The following STT3B variants were observed in gnomAD, a reference collection of about 807,000 sequenced individuals.
STT3B encodes the protein STT3 oligosaccharyltransferase complex catalytic subunit B.
STT3B carries 29 observed loss-of-function variants against 96.8 expected under a neutral mutation model. That is an observed-to-expected ratio of 0.30 (90% confidence interval 0.22 to 0.41). The LOEUF is 0.41. Ranked by LOEUF, STT3B falls within the 10% of genes least tolerant of loss-of-function variation. The pLI is 1.00. For synonymous variants in STT3B, 367 were observed against 360.0 expected, an observed-to-expected ratio of 1.02 and a Z score of -0.22; for missense variants, 640 against 1,022.3, an observed-to-expected ratio of 0.63 and a Z score of 5.10.
chr3:31,635,231 CTG>C (rs1260105557), intron 15 of STT3B, among the ~76,000 whole-genome samples: 1 of 152,028 alleles, frequency 6.6e-6, no homozygotes, highest in Non-Finnish European at 1.5e-5. Context: ...ATATCTAGGG[CTG>C]TGTGTCAGAT....
intron 4 of STT3B, among the ~76,000 whole-genome samples, chr3:31,597,380 G>A (rs572853791): frequency 2.0e-5 from 3 of 151,594 alleles, no homozygotes; most frequent in Non-Finnish European, 4.4e-5. Context: ...GGCTGGTCTT[G>A]TACACCTGAC....
At chr3:31,560,031 A>C (rs188388163) in intron 1 of STT3B, among the ~76,000 whole-genome samples, 1 of 152,166 alleles carries the variant, frequency 6.6e-6, no homozygotes, top group Non-Finnish European at 1.5e-5. Context: ...ATTTGCATTG[A>C]ATATCTGAAT....
At chr3:31,556,253 TA>T (rs779995348) in intron 1 of STT3B, among the ~76,000 whole-genome samples, 4 of 152,192 alleles carry the variant, frequency 2.6e-5, no homozygotes, top group Non-Finnish European at 4.4e-5. Context: ...TATGGCCAAA[TA>T]ATATTCCATT....
intron 1 of STT3B, among the ~76,000 whole-genome samples, chr3:31,541,528 G>T (rs114094681): frequency 6.9e-6 from 1 of 145,072 alleles, no homozygotes; most frequent in African/African-American, 2.6e-5. Flanking sequence ...GTTGGTCAAA[G>T]GATTGTTGAC....
chr3:31,567,974 C>T (rs939625910), intron 1 of STT3B, among the ~76,000 whole-genome samples: 1 of 151,302 alleles, frequency 6.6e-6, no homozygotes, highest in Non-Finnish European at 1.5e-5. Context: ...TTTTTGTATC[C>T]GTTACCCCTC....
chr3:31,572,081 A>G (rs868546974), intron 1 of STT3B, among the ~76,000 whole-genome samples: 62 of 142,270 alleles, frequency 4.4e-4, no homozygotes, highest in Non-Finnish European at 6.7e-4. Flanking sequence ...ATATATTAAT[A>G]TATAAGTATT....
chr3:31,553,033 C>T (rs1010756163), intron 1 of STT3B, among the ~76,000 whole-genome samples: 2 of 145,648 alleles, frequency 1.4e-5, no homozygotes, highest in South Asian at 2.2e-4. Flanking sequence ...ACCCGGGAGG[C>T]GGAGCTTGCA....
Position 31,625,097 on chromosome 3 carries a change from CTAAA to C in STT3B, c.1899+15_1899+18del. ...GCCACATAGCACTGGTAAGGATTTA[CTAAA>C]TACAAGGTTAAAAAATCTTTATTCA... On this transcript the variant is annotated intron_variant, in intron 12 of 15. Transcript: ENST00000295770. The C allele has an allele frequency of 6.2e-7, 1 of 1,604,992 alleles. No homozygotes were observed. The highest frequency in any genetic ancestry group is 1.1e-5 in the South Asian group (1 of 89,874).
Position 31,579,817 on chromosome 3 carries a change from A to G in STT3B, c.432A>G (p.Pro144=). 6.2e-7 allele frequency: 1 copy of G among 1,609,732 alleles called. No homozygotes were observed. Among genetic ancestry groups the G allele is most frequent in the Non-Finnish European group, 8.5e-7 (1 of 1,177,246 alleles). Residue 144 remains proline, a synonymous_variant, in exon 3 of 16, where the codon CCA becomes CCG. Transcript: ENST00000295770. ...CATTTTTTTCTTCCTAGGTTTACCC[A>G]GGGTTGATGATAACCGCTGGCCTTA... ...LGRIVGGTVY[P]GLMITAGLIH...
intron 1 of STT3B, among the ~76,000 whole-genome samples, chr3:31,557,347 T>G (rs1697744723): frequency 6.6e-6 from 1 of 152,202 alleles, no homozygotes; most frequent in Admixed American, 6.5e-5. Context: ...GCTTTGGCTA[T>G]TCTCACTCTT....
chr3:31,631,461 G>T (rs1479020326), intron 14 of STT3B, among the ~76,000 whole-genome samples: 3 of 152,158 alleles, frequency 2.0e-5, no homozygotes, highest in African/African-American at 7.2e-5. Flanking sequence ...CACGTTGAAG[G>T]ACCTTTTTCT....
chr3:31,574,917 A>AT (rs1698232134), intron 1 of STT3B, among the ~76,000 whole-genome samples: 1 of 152,028 alleles, frequency 6.6e-6, no homozygotes. Flanking sequence ...GACTACTTAA[A>AT]TTTTTTTATA....
At chr3:31,601,104 CTTAA>C (rs1482753995) in intron 5 of STT3B, among the ~76,000 whole-genome samples, 2 of 152,004 alleles carry the variant, frequency 1.3e-5, no homozygotes, top group Non-Finnish European at 2.9e-5. Flanking sequence ...AAAGATAAAT[CTTAA>C]TTAAATTCAT....
rs766776717 is a variant in STT3B, at chr3:31,533,163, G to A, written c.165G>A (p.Pro55=). The stretch of plus-strand genomic sequence containing the variant: ...GCGCGGCGCCGCCGAAGCCGGCCCC[G>A]GCGGGGCTGTCCGGGGGGCTGTCGC... ...AGGAAPPKPA[P]AGLSGGLSQP... Residue 55 remains proline, a synonymous_variant, in exon 1 of 16, where the codon CCG becomes CCA. Coordinates refer to ENST00000295770, the MANE Select transcript of STT3B (RefSeq NM_178862.3). 1.5e-6 allele frequency: 2 copies of A among 1,329,190 alleles called. No individual in the cohort carries two copies. The highest frequency in any genetic ancestry group is 2.2e-5 in the South Asian group (1 of 45,936). The allele number at this position is 1,329,190 out of a possible 1,614,324, so 82.3% of individuals were successfully genotyped here.
chr3:31,616,137 T>C (rs1699302035), intron 6 of STT3B, among the ~76,000 whole-genome samples: 2 of 151,654 alleles, frequency 1.3e-5, no homozygotes, highest in African/African-American at 4.8e-5. Context: ...TGATGAAGAG[T>C]GGACAGTCAT....
chr3:31,610,318 A>G lies in STT3B; in HGVS notation c.878-4787A>G, dbSNP rs1699155050. ...CGTTGTGTGTGTTTTGGCTAATACT[A>G]TTTTGGTTGAGAGAGAGCAAAGCAA... On this transcript the variant is annotated intron_variant, in intron 5 of 15. Coordinates refer to ENST00000295770, the MANE Select transcript of STT3B (RefSeq NM_178862.3). 2.6e-5 allele frequency among the ~76,000 whole-genome samples: 4 copies of G among 152,322 alleles called. No homozygotes were observed. The South Asian group carries it at 8.3e-4, about 32-fold the overall frequency.
intron 5 of STT3B, among the ~76,000 whole-genome samples, chr3:31,603,049 G>A (rs892121104): frequency 6.6e-6 from 1 of 151,932 alleles, no homozygotes; most frequent in Non-Finnish European, 1.5e-5. Flanking sequence ...TTTGATTTTG[G>A]CACGTAACAT....
At chr3:31,596,085 T>A (rs948931306) in intron 3 of STT3B, among the ~76,000 whole-genome samples, 1 of 152,248 alleles carries the variant, frequency 6.6e-6, no homozygotes, top group Non-Finnish European at 1.5e-5. Context: ...AAGTTTTCTG[T>A]GTATTAGTAA....
intron 1 of STT3B, among the ~76,000 whole-genome samples, chr3:31,555,370 C>CT (rs1697679736): frequency 6.6e-6 from 1 of 151,954 alleles, no homozygotes; most frequent in African/African-American, 2.4e-5. Context: ...TTAGGATAAG[C>CT]TTTATATTTA....
Sources: allele counts gnomAD v4.1 joint callset (sites outside exome capture counted in the v4.1 genomes callset), GRCh38; gene constraint gnomAD v4.1.1; transcripts MANE v1.5; gene names NCBI Gene and HGNC (gene_info 2026-07-23, HGNC 2026-07-21).